The following MRPS21 variants were observed in gnomAD, a reference collection of about 807,000 sequenced individuals.
MRPS21 encodes mitochondrial ribosomal protein S21.
A neutral mutation model predicts 9.9 loss-of-function variants in MRPS21; 8 were observed. That is an observed-to-expected ratio of 0.81 (90% CI 0.47 to 1.45). The LOEUF (loss-of-function observed/expected upper bound fraction) is 1.45. MRPS21 is among the 40% of genes most tolerant of loss of function. MRPS21 has a pLI of 0.00. For missense variants in MRPS21, 101 were observed against 118.9 expected (o/e 0.85, Z 0.70); for synonymous variants, 40 against 40.3 (o/e 0.99, Z 0.03).
At chr1:150,298,357 G>A (rs1451993511) in intron 2 of MRPS21, among the ~76,000 whole-genome samples, 2 of 152,148 alleles carry the variant, frequency 1.3e-5, no homozygotes, top group African/African-American at 4.8e-5. Context: ...ACTTCTCCCT[G>A]TAAATCTTCT....
intron 2 of MRPS21, among the ~76,000 whole-genome samples, chr1:150,302,964 C>T (rs1305132425): frequency 1.3e-5 from 2 of 152,146 alleles, no homozygotes; most frequent in Non-Finnish European, 2.9e-5. Context: ...ATGCCATTTA[C>T]CAACCCCCAT....
chr1:150,300,221 T>G (rs1654066588), intron 2 of MRPS21, among the ~76,000 whole-genome samples: 1 of 151,992 alleles, frequency 6.6e-6, no homozygotes, highest in East Asian at 1.9e-4. Context: ...TGCATACCTG[T>G]AATCCCAGCT....
intron 2 of MRPS21, chr1:150,303,890 A>G: frequency 2.2e-6 from 1 of 455,958 alleles, no homozygotes; most frequent in Non-Finnish European, 4.4e-6. Flanking sequence ...TTTTTGGCAT[A>G]CATTTCCTAG....
chr1:150,300,110 A>T (rs1236728320), intron 2 of MRPS21, among the ~76,000 whole-genome samples: 1 of 152,078 alleles, frequency 6.6e-6, no homozygotes, highest in Non-Finnish European at 1.5e-5. Flanking sequence ...TGGGAGGCTG[A>T]GGGGGGCGGA....
At chr1:150,305,348 T>G (rs1654292120) in intron 2 of MRPS21, among the ~76,000 whole-genome samples, 1 of 152,088 alleles carries the variant, frequency 6.6e-6, no homozygotes, top group Non-Finnish European at 1.5e-5. Flanking sequence ...CAGCAATCCC[T>G]GTTTTAACAA....
chr1:150,297,809 C>T (rs182838299), intron 2 of MRPS21, among the ~76,000 whole-genome samples: 68 of 152,248 alleles, frequency 4.5e-4, no homozygotes, highest in Admixed American at 4.0e-3. Flanking sequence ...TATCCTGTTT[C>T]ATTTTTCTCT....
rs1323713457 is a variant in MRPS21 at position 150,298,657 on chromosome 1, A to G, written c.83+4208A>G. ...CCCTCTGTCGCCCAGGCTGGAGCGC[A>G]GTGGCGCAATCTCTGCTCACTGTGA... On this transcript the variant is annotated intron_variant, in intron 2 of 2. Coordinates refer to ENST00000614145, the MANE Select transcript of MRPS21 (RefSeq NM_031901.6). Among the ~76,000 whole-genome samples, 9 of 152,320 alleles carry G rather than the reference A, an allele frequency of 5.9e-5. No individual in the cohort carries two copies. The East Asian group carries it at 1.5e-3, about 26-fold the overall frequency.
At chr1:150,294,072 C>G (rs1653821675) in intron 1 of MRPS21, 174 bp downstream of exon 1, 2 of 356,102 alleles carry the variant, frequency 5.6e-6, no homozygotes, top group Non-Finnish European at 1.1e-5. Flanking sequence ...CCTTGTCGCT[C>G]GTGTCCTTCT....
chr1:150,295,384 A>G (rs930048527), intron 2 of MRPS21, among the ~76,000 whole-genome samples: 1 of 152,054 alleles, frequency 6.6e-6, no homozygotes, highest in South Asian at 2.1e-4. Context: ...CTAGTGACGC[A>G]CGCCACCACC....
chr1:150,295,975 C>T (rs1553856502), intron 2 of MRPS21, among the ~76,000 whole-genome samples: 1 of 113,562 alleles, frequency 8.8e-6, no homozygotes, highest in Non-Finnish European at 1.9e-5. Context: ...TTTTTTAAAA[C>T]GGAGTCTTGC....
chr1:150,306,014 G>A (rs587746931), intron 2 of MRPS21, among the ~76,000 whole-genome samples: 17 of 152,074 alleles, frequency 1.1e-4, no homozygotes, highest in African/African-American at 3.6e-4. Flanking sequence ...CCCAGGGTTC[G>A]GAATGTTTAA....
intron 2 of MRPS21, among the ~76,000 whole-genome samples, chr1:150,301,532 G>A (rs1459166035): frequency 2.0e-5 from 3 of 152,184 alleles, no homozygotes; most frequent in African/African-American, 7.2e-5. Context: ...AAGTCCCATA[G>A]ACTCAGAGTC....
intron 2 of MRPS21, among the ~76,000 whole-genome samples, chr1:150,295,071 C>T (rs989118329): frequency 1.3e-5 from 2 of 150,056 alleles, no homozygotes; most frequent in African/African-American, 4.9e-5. Context: ...TCTCGGCTCA[C>T]TGCAAGCTCC....
At chr1:150,298,449 T>C (rs1553856969) in intron 2 of MRPS21, among the ~76,000 whole-genome samples, 1 of 152,244 alleles carries the variant, frequency 6.6e-6, no homozygotes, top group Admixed American at 6.5e-5. Context: ...GATCAAAGGA[T>C]AGCTGTTGCT....
At chr1:150,295,395 G>A (rs782346495) in intron 2 of MRPS21, among the ~76,000 whole-genome samples, 4 of 152,062 alleles carry the variant, frequency 2.6e-5, no homozygotes, top group African/African-American at 4.8e-5. Context: ...CGCCACCACC[G>A]CAGTTAATTT....
chr1:150,307,442 T>C (rs1260398), intron 2 of MRPS21, among the ~76,000 whole-genome samples: 70,401 of 147,196 alleles, frequency 0.48, 17,677 homozygotes, highest in East Asian at 0.77. Flanking sequence ...ACTGCAGCCA[T>C]GAACTCCCAG....
intron 2 of MRPS21, among the ~76,000 whole-genome samples, chr1:150,301,023 C>G (rs1433654859): frequency 6.6e-6 from 1 of 150,776 alleles, no homozygotes; most frequent in Non-Finnish European, 1.5e-5. Flanking sequence ...CATGATGAAA[C>G]CCTGTCTCTA....
chr1:150,300,391 T>C (rs914553619), intron 2 of MRPS21, among the ~76,000 whole-genome samples: 1 of 152,196 alleles, frequency 6.6e-6, no homozygotes, highest in Non-Finnish European at 1.5e-5. Flanking sequence ...CCTATGCTTT[T>C]TCATTTGTGT....
intron 2 of MRPS21, among the ~76,000 whole-genome samples, chr1:150,299,574 C>A (rs1654041002): frequency 6.6e-6 from 1 of 152,182 alleles, no homozygotes; most frequent in Middle Eastern, 3.4e-3. Context: ...CCTGCCTCAG[C>A]CCCCCGTGTA....
Sources: allele counts gnomAD v4.1 joint callset (sites outside exome capture counted in the v4.1 genomes callset), GRCh38; gene constraint gnomAD v4.1.1; transcripts MANE v1.5; gene names NCBI Gene and HGNC (gene_info 2026-07-23, HGNC 2026-07-21).